Variants in MATN2 observed in about 807,000 individuals in gnomAD.
MATN2 encodes matrilin-2.
MATN2 carries 69 observed loss-of-function variants against 103.2 expected under a neutral mutation model. The ratio of observed to expected loss-of-function variants is 0.67; its 90% CI spans 0.55 to 0.82. The LOEUF (loss-of-function observed/expected upper bound fraction) is 0.82. Among genes scored for constraint, MATN2 ranks in the 40% least tolerant of loss-of-function variants. The probability of loss-of-function intolerance (pLI) is 0.00; values close to 1 mark genes in which losing one functional copy is unlikely to be tolerated. For missense variants in MATN2, 1,023 were observed against 1,211.5 expected, an observed-to-expected ratio of 0.84 and a Z score of 2.31; for synonymous variants, 429 against 450.2, an observed-to-expected ratio of 0.95 and a Z score of 0.60.
At chr8:97,905,602 A>T (rs140150724) in intron 2 of MATN2, among the ~76,000 whole-genome samples, 3 of 151,752 alleles carry the variant, frequency 2.0e-5, no homozygotes, top group Non-Finnish European at 4.4e-5. Flanking sequence ...TACTCCATTC[A>T]CCTGTCAACG....
intron 2 of MATN2, among the ~76,000 whole-genome samples, chr8:97,896,213 T>TTC (rs1818801319): frequency 1.3e-5 from 2 of 152,220 alleles, no homozygotes; most frequent in Non-Finnish European, 2.9e-5. Flanking sequence ...CAATCTTGAT[T>TTC]AACCTTCTTA....
chr8:97,953,650 G>A (rs1481763849), intron 4 of MATN2, among the ~76,000 whole-genome samples: 1 of 152,172 alleles, frequency 6.6e-6, no homozygotes, highest in East Asian at 1.9e-4. Flanking sequence ...GGCGGGCATG[G>A]TGGCACATGC....
rs1812071491 is a variant in MATN2 at position 97,982,883 on chromosome 8, T to G, written c.1081+3875T>G. The stretch of plus-strand genomic sequence containing the variant: ...TTCAGTGGCATTAAATACACTCACA[T>G]TGTGAAAAACGCATATCCTAGCCTG... On this transcript the variant is annotated intron_variant, in intron 6 of 18. Transcript: ENST00000254898. The surrounding 1 kb of genome is among the most constrained non-coding windows in gnomAD (Gnocchi z 4.3). Among the ~76,000 whole-genome samples, 1 of 152,190 alleles carries G rather than the reference T, an allele frequency of 6.6e-6. No individual in the cohort carries two copies. The highest frequency in any genetic ancestry group is 1.5e-5 in the Non-Finnish European group (1 of 68,034).
intron 2 of MATN2, among the ~76,000 whole-genome samples, chr8:97,923,881 A>G (rs1339484367): frequency 1.3e-5 from 2 of 152,180 alleles, no homozygotes; most frequent in African/African-American, 2.4e-5. Context: ...TTCTTCTCTT[A>G]TCTTGACCCT....
At chr8:98,020,613 T>G (rs894378252) in intron 12 of MATN2, among the ~76,000 whole-genome samples, 1 of 152,238 alleles carries the variant, frequency 6.6e-6, no homozygotes, top group Admixed American at 6.5e-5. Flanking sequence ...GTGTTCTCAC[T>G]GATTCCAATT....
intron 5 of MATN2, among the ~76,000 whole-genome samples, chr8:97,968,280 G>A (rs1586103473): frequency 2.6e-5 from 4 of 152,296 alleles, no homozygotes; most frequent in Admixed American, 2.6e-4. Context: ...ATGCCTTTGA[G>A]GCCTTTTTCC....
intron 2 of MATN2, among the ~76,000 whole-genome samples, chr8:97,913,750 G>T (rs993987502): frequency 2.0e-5 from 3 of 151,568 alleles, no homozygotes; most frequent in African/African-American, 7.3e-5. Context: ...AAGTAGCTGG[G>T]ACTACAGGCA....
chr8:97,980,558 CTTTTTTTT>C (rs71570278), intron 6 of MATN2, among the ~76,000 whole-genome samples: 11 of 94,092 alleles, frequency 1.2e-4, no homozygotes, highest in Non-Finnish European at 1.8e-4. Context: ...TTATTCTTTC[CTTTTTTTT>C]TTTTTTTTTT....
In MATN2 at chr8:98,016,406, A is replaced by C. The variant is rs1813357111; in HGVS notation, c.1574-134A>C. The C allele has an allele frequency of 3.9e-6, 3 of 761,714 alleles. No homozygotes were observed. In the Admixed American group the frequency reaches 8.2e-5, roughly 21 times the overall value. The allele number at this position is 761,714 out of a possible 1,614,324, so 47.2% of individuals were successfully genotyped here. The stretch of plus-strand genomic sequence containing the variant: ...ATTTTTGCTCATAGACATGCTTTAT[A>C]TTCTGAAATGTGTACTGTAGGATAA... On this transcript the variant is annotated intron_variant, in intron 10 of 18. Coordinates refer to ENST00000254898, the MANE Select transcript of MATN2 (RefSeq NM_002380.5).
chr8:98,017,857 C>G lies in MATN2; in HGVS notation c.1697-137C>G, dbSNP rs1387856733. On this transcript the variant is annotated intron_variant, in intron 11 of 18. Transcript: ENST00000254898. ...CGCTAAACTTTGTTCTCAATTGTAA[C>G]TTCCTGCCCCATGGACCACTGAGCT... is the stretch of plus-strand genomic sequence containing the variant. The G allele has an allele frequency of 1.0e-5, 9 of 886,908 alleles. 1 individual carries two copies. In the East Asian group the frequency reaches 2.1e-4, roughly 20 times the overall value. The allele number at this position is 886,908 out of a possible 1,614,324, so 54.9% of individuals were successfully genotyped here.
At chr8:98,021,533 C>G (rs1213358096) in intron 13 of MATN2, among the ~76,000 whole-genome samples, 1 of 152,062 alleles carries the variant, frequency 6.6e-6, no homozygotes, top group Admixed American at 6.6e-5. Flanking sequence ...TCATTATCAG[C>G]CAAGAGGCTA....
chr8:97,955,639 A>G (rs1273933205), intron 4 of MATN2, among the ~76,000 whole-genome samples: 1 of 152,220 alleles, frequency 6.6e-6, no homozygotes, highest in Non-Finnish European at 1.5e-5. Context: ...GCTACTAAGC[A>G]CCAACTGTGT....
At chr8:97,869,827 A>G (rs1817833261) in intron 1 of MATN2, among the ~76,000 whole-genome samples, 1 of 152,192 alleles carries the variant, frequency 6.6e-6, no homozygotes, top group Non-Finnish European at 1.5e-5. Context: ...GGTAGTTGCT[A>G]GAAACCCCAG....
intron 1 of MATN2, among the ~76,000 whole-genome samples, chr8:97,884,772 A>G (rs59674689): frequency 6.6e-6 from 1 of 151,680 alleles, no homozygotes; most frequent in Admixed American, 6.6e-5. Flanking sequence ...CTGTCTCCAA[A>G]TAACAACAAC....
At chr8:98,018,875 G>A (rs868678747) in intron 12 of MATN2, among the ~76,000 whole-genome samples, 3 of 151,936 alleles carry the variant, frequency 2.0e-5, no homozygotes, top group African/African-American at 7.3e-5. Context: ...CCATATCAGA[G>A]GGATTTCCTG....
chr8:97,926,730 T>C (rs1212540824), intron 2 of MATN2, among the ~76,000 whole-genome samples: 1 of 152,232 alleles, frequency 6.6e-6, no homozygotes, highest in Admixed American at 6.5e-5. Context: ...TATGACTCCA[T>C]TAGCAGGACC....
intron 1 of MATN2, among the ~76,000 whole-genome samples, chr8:97,884,514 G>A (rs548166034): frequency 9.9e-5 from 15 of 152,264 alleles, no homozygotes; most frequent in African/African-American, 3.4e-4. Context: ...GCCGAGTGTG[G>A]TGGCTCATGC....
At chr8:98,018,171 G>A in intron 12 of MATN2, 55 bp downstream of exon 12, 2 of 1,605,946 alleles carry the variant, frequency 1.2e-6, no homozygotes, top group South Asian at 1.1e-5. Context: ...CAGACAGTTA[G>A]AGAAGTTCAT....
At chr8:97,988,150 A>G (rs1586127175) in intron 6 of MATN2, among the ~76,000 whole-genome samples, 1 of 49,654 alleles carries the variant, frequency 2.0e-5, no homozygotes, top group Non-Finnish European at 4.7e-5. Flanking sequence ...GCCCATCTCC[A>G]CCAAAAAAAA....
Sources: gnomAD v4.1 joint callset for allele counts (sites outside exome capture counted in the v4.1 genomes callset) on GRCh38, gnomAD v4.1.1 for gene constraint, Gnocchi (gnomAD v3.1) non-coding constraint, MANE v1.5 for transcripts, NCBI Gene and HGNC (gene_info 2026-07-23, HGNC 2026-07-21) for gene names.